Variants in FA2H observed in about 807,000 individuals in gnomAD.
The protein encoded by FA2H is fatty acid 2-hydroxylase, also known as fatty acid alpha-hydroxylase.
In FA2H, 22 loss-of-function variants were observed where a neutral mutation model predicts 44.9. The observed-to-expected ratio is 0.49, with a 90% CI of 0.35 to 0.70. FA2H has a LOEUF of 0.70. Among genes scored for constraint, FA2H ranks in the 30% least tolerant of loss-of-function variants. The pLI is 0.01. For missense variants in FA2H, 501 were observed against 504.9 expected, an observed-to-expected ratio of 0.99 and a Z score of 0.07; for synonymous variants, 243 against 213.2, an observed-to-expected ratio of 1.14 and a Z score of -1.22.
chr16:74,742,460 G>A (rs953491008), intron 1 of FA2H, among the ~76,000 whole-genome samples: 9 of 152,204 alleles, frequency 5.9e-5, no homozygotes, highest in South Asian at 2.1e-4. Flanking sequence ...CCCTTCGGCC[G>A]AGTACATAGG....
chr16:74,743,517 C>T (rs1029967308), intron 1 of FA2H, among the ~76,000 whole-genome samples: 3 of 152,182 alleles, frequency 2.0e-5, no homozygotes, highest in Non-Finnish European at 4.4e-5. Flanking sequence ...CGGCTCCATC[C>T]CCCGCACAGA....
intron 4 of FA2H, among the ~76,000 whole-genome samples, chr16:74,722,770 T>C (rs574477514): frequency 6.6e-6 from 1 of 151,330 alleles, no homozygotes; most frequent in South Asian, 2.1e-4. Context: ...AATTAGCCGG[T>C]CATGGTGGTG....
In FA2H at chr16:74,739,657, GCAGCT is replaced by G. The variant is rs567229070; in HGVS notation, c.363+361_363+365del. ...TTCCACATGGCTGCAGGTGCCAGGG[GCAGCT>G]CTACCTTGTGCCCTGGTCAAAATGG... On this transcript the variant is annotated intron_variant, in intron 2 of 6. Coordinates refer to ENST00000219368, the MANE Select transcript of FA2H (RefSeq NM_024306.5). Among the ~76,000 whole-genome samples the G allele has an allele frequency of 3.7e-3, 566 of 152,292 alleles. 4 individuals carry two copies. Among genetic ancestry groups the G allele is most frequent in the African/African-American group, 0.013 (550 of 41,560 alleles).
At chr16:74,750,761 C>CTGTGTGTTTGTGTGTG (rs1555540833) in intron 1 of FA2H, among the ~76,000 whole-genome samples, 1 of 141,572 alleles carries the variant, frequency 7.1e-6, no homozygotes, top group Non-Finnish European at 1.5e-5. Flanking sequence ...TTTTTTTTCA[C>CTGTGTGTTTGTGTGTG]TGTGTGTGTG....
intron 2 of FA2H, among the ~76,000 whole-genome samples, chr16:74,727,893 G>A (rs1020949647): frequency 6.6e-6 from 1 of 152,110 alleles, no homozygotes; most frequent in African/African-American, 2.4e-5. Context: ...GTGTTGGCCT[G>A]GGTAATTAAT....
At chr16:74,718,895 C>T (rs1961767181) in intron 5 of FA2H, 93 bp downstream of exon 5, 25 of 1,453,302 alleles carry the variant, frequency 1.7e-5, no homozygotes, top group Non-Finnish European at 2.3e-5. Context: ...GCCAGACTCC[C>T]AGGAGGCTCC....
At chr16:74,772,749 C>G (rs538318585) in intron 1 of FA2H, among the ~76,000 whole-genome samples, 1 of 152,194 alleles carries the variant, frequency 6.6e-6, no homozygotes, top group African/African-American at 2.4e-5. Context: ...CACGGTCAAC[C>G]TGGGTCCAAA....
At chr16:74,769,677 T>G (rs976108963) in intron 1 of FA2H, among the ~76,000 whole-genome samples, 1 of 152,184 alleles carries the variant, frequency 6.6e-6, no homozygotes, top group Non-Finnish European at 1.5e-5. Context: ...GGTTTAGACC[T>G]AAAGTCCTTT....
At chr16:74,734,127 C>A (rs1237721893) in intron 2 of FA2H, among the ~76,000 whole-genome samples, 1 of 152,206 alleles carries the variant, frequency 6.6e-6, no homozygotes, top group African/African-American at 2.4e-5. Context: ...GCTCGGGGGA[C>A]AGAGGGAAGG....
At chr16:74,716,316 A>AG (rs781447006) in intron 6 of FA2H, 31 bp downstream of exon 6, 1 of 1,610,616 alleles carries the variant, frequency 6.2e-7, no homozygotes, top group Non-Finnish European at 8.5e-7. Flanking sequence ...GAACACACAT[A>AG]GGGGGCTGGG....
Position 74,714,101 on chromosome 16 carries a change from C to T in FA2H, c.*89G>A, listed in dbSNP as rs1245059360. On this transcript the variant is annotated 3_prime_UTR_variant, in exon 7 of 7. Coordinates refer to ENST00000219368, the MANE Select transcript of FA2H (RefSeq NM_024306.5). ...ACACAGCCCATCCTGCCTGGCCAAG[C>T]CAACCTTCTTAATGGGGTCTGAATG... The T allele has an allele frequency of 4.7e-6, 4 of 849,524 alleles. No individual in the cohort carries two copies. In the East Asian group the frequency reaches 1.1e-4, roughly 23 times the overall value. The allele number at this position is 849,524 out of a possible 1,614,324, so 52.6% of individuals were successfully genotyped here.
intron 1 of FA2H, among the ~76,000 whole-genome samples, chr16:74,751,908 T>C (rs1164926568): frequency 1.3e-5 from 2 of 152,236 alleles, no homozygotes; most frequent in African/African-American, 2.4e-5. Flanking sequence ...TCTCTACTGA[T>C]GTTTCCCTGG....
intron 1 of FA2H, among the ~76,000 whole-genome samples, chr16:74,771,372 G>C (rs1962902859): frequency 6.6e-6 from 1 of 151,660 alleles, no homozygotes; most frequent in Non-Finnish European, 1.5e-5. Context: ...TGTATTTTTA[G>C]CAGAGATAAG....
At chr16:74,722,743 G>A (rs578144489) in intron 4 of FA2H, among the ~76,000 whole-genome samples, 8 of 151,868 alleles carry the variant, frequency 5.3e-5, no homozygotes, top group South Asian at 2.1e-4. Context: ...AGAAACTTCC[G>A]TCTCTAAAAA....
intron 1 of FA2H, among the ~76,000 whole-genome samples, chr16:74,749,420 G>A (rs1285875987): frequency 1.3e-5 from 2 of 152,008 alleles, no homozygotes; most frequent in African/African-American, 4.8e-5. Flanking sequence ...CACCGTCCTG[G>A]TATTCACGGG....
intron 6 of FA2H, among the ~76,000 whole-genome samples, chr16:74,715,977 C>T (rs1044773233): frequency 3.3e-5 from 5 of 151,950 alleles, no homozygotes; most frequent in Non-Finnish European, 2.9e-5. Context: ...AACCACACCC[C>T]GCTAATTTTT....
At chr16:74,747,305 C>T (rs1962442356) in intron 1 of FA2H, among the ~76,000 whole-genome samples, 1 of 139,196 alleles carries the variant, frequency 7.2e-6, no homozygotes, top group Admixed American at 7.8e-5. Context: ...AGCAAGACTC[C>T]ACCTCAAAAT....
At chr16:74,748,789 C>A (rs1281076508) in intron 1 of FA2H, among the ~76,000 whole-genome samples, 3 of 152,164 alleles carry the variant, frequency 2.0e-5, no homozygotes, top group Non-Finnish European at 4.4e-5. Context: ...GGGGCGGGGG[C>A]GCCGGCATAA....
chr16:74,729,255 C>T (rs1249395274), intron 2 of FA2H, among the ~76,000 whole-genome samples: 2 of 152,112 alleles, frequency 1.3e-5, no homozygotes, highest in African/African-American at 2.4e-5. Context: ...GTGATCTGCC[C>T]GCCTCGGCCT....
Sources: allele counts gnomAD v4.1 joint callset (sites outside exome capture counted in the v4.1 genomes callset), GRCh38; gene constraint gnomAD v4.1.1; transcripts MANE v1.5; gene names NCBI Gene and HGNC (gene_info 2026-07-23, HGNC 2026-07-21).